Variants in COL24A1 observed in about 807,000 individuals in gnomAD.
COL24A1 encodes the protein collagen alpha-1(XXIV) chain.
In COL24A1, 224 loss-of-function variants were observed where a neutral mutation model predicts 253.9. The observed-to-expected ratio is 0.88, with a 90% confidence interval of 0.79 to 0.99. The LOEUF is 0.99. Ranked by LOEUF, COL24A1 falls within the 50% of genes least tolerant of loss-of-function variation. The pLI is 0.00. For missense variants in COL24A1, 2,131 were observed against 2,068.5 expected (o/e 1.03, Z -0.59); for synonymous variants, 685 against 673.7 (o/e 1.02, Z -0.26).
At chr1:85,936,159 TA>T (rs200213900) in intron 24 of COL24A1, among the ~76,000 whole-genome samples, 51,436 of 144,798 alleles carry the variant, frequency 0.36, 13,302 homozygotes, top group East Asian at 0.66. Context: ...GGGTCTTGGT[TA>T]GAAAAAAAAA....
rs371764072 is a variant in COL24A1 at position 86,040,404 on chromosome 1, T to C, written c.1950+6421A>G. ...TATGTATACATGTGCCATGCTGGTG[T>C]GCTGCACCCACTAACTCGTCATCTA... is the stretch of plus-strand genomic sequence containing the variant. On this transcript the variant is annotated intron_variant, in intron 12 of 59. Transcript: ENST00000370571. Among the ~76,000 whole-genome samples the C allele has an allele frequency of 2.4e-3, 370 of 151,592 alleles. 10 individuals carry two copies. The East Asian group carries it at 0.046, about 19-fold the overall frequency.
intron 24 of COL24A1, among the ~76,000 whole-genome samples, chr1:85,916,791 G>A (rs1427714602): frequency 1.3e-5 from 2 of 152,122 alleles, no homozygotes; most frequent in African/African-American, 4.8e-5. Flanking sequence ...ATACACAGCA[G>A]GAAATAGCAG....
chr1:85,934,486 A>G (rs2103118513), intron 24 of COL24A1, among the ~76,000 whole-genome samples: 1 of 152,290 alleles, frequency 6.6e-6, no homozygotes, highest in East Asian at 1.9e-4. Context: ...TGTTGTTGGA[A>G]TAATGTACAT....
intron 32 of COL24A1, among the ~76,000 whole-genome samples, chr1:85,885,397 A>ATATATATTTT (rs60994639): frequency 0.024 from 3,024 of 128,570 alleles, 175 homozygotes; most frequent in Admixed American, 0.13. Flanking sequence ...ATATATATAT[A>ATATATATTTT]TTTTTTTTTT....
intron 53 of COL24A1, among the ~76,000 whole-genome samples, chr1:85,764,283 T>C (rs1667133507): frequency 2.6e-5 from 4 of 152,196 alleles, no homozygotes; most frequent in African/African-American, 4.8e-5. Context: ...TTGAGATTCA[T>C]TGGTTTGAAA....
At chr1:85,880,129 A>G (rs1318019626) in intron 32 of COL24A1, among the ~76,000 whole-genome samples, 2 of 152,222 alleles carry the variant, frequency 1.3e-5, no homozygotes, top group African/African-American at 4.8e-5. Flanking sequence ...TATCTCAACA[A>G]TATTGAGTCT....
intron 35 of COL24A1, 75 bp downstream of exon 35, chr1:85,874,574 T>G (rs1251128293): frequency 2.3e-6 from 3 of 1,300,216 alleles, no homozygotes; most frequent in South Asian, 1.3e-5. Flanking sequence ...ATTTTTTGAG[T>G]GTTTCGAATA....
At chr1:86,155,082 G>C (rs1271014208) in intron 1 of COL24A1, 1 of 152,404 alleles carries the variant, frequency 6.6e-6, no homozygotes, top group African/African-American at 2.4e-5. Context: ...CTCGCTCCAG[G>C]GACTCCCCAG....
intron 8 of COL24A1, among the ~76,000 whole-genome samples, chr1:86,063,070 C>T (rs1255095018): frequency 6.6e-6 from 1 of 152,000 alleles, no homozygotes; most frequent in African/African-American, 2.4e-5. Flanking sequence ...ATAGTACACA[C>T]CATAAGACAT....
intron 20 of COL24A1, among the ~76,000 whole-genome samples, chr1:85,972,720 T>C (rs570085421): frequency 2.0e-5 from 3 of 152,282 alleles, no homozygotes; most frequent in Admixed American, 2.0e-4. Context: ...AGTCAGTATA[T>C]TGTGCATCCC....
chr1:85,946,088 A>T (rs1689295702), intron 24 of COL24A1, among the ~76,000 whole-genome samples: 1 of 152,184 alleles, frequency 6.6e-6, no homozygotes, highest in Admixed American at 6.5e-5. Flanking sequence ...TTTATGCTAA[A>T]CACTTGTTTT....
intron 39 of COL24A1, among the ~76,000 whole-genome samples, chr1:85,847,208 T>C (rs1272832739): frequency 6.6e-6 from 1 of 152,180 alleles, no homozygotes; most frequent in Admixed American, 6.5e-5. Flanking sequence ...AATTAGATGT[T>C]AGATTTATCA....
chr1:85,942,609 T>C (rs12745489), intron 24 of COL24A1, among the ~76,000 whole-genome samples: 30,168 of 152,086 alleles, frequency 0.2, 3,331 homozygotes, highest in Non-Finnish European at 0.24. Flanking sequence ...ATCTGGAATG[T>C]TGAAATCCAA....
At chr1:85,911,858 C>T (rs1284379574) in intron 24 of COL24A1, among the ~76,000 whole-genome samples, 1 of 152,094 alleles carries the variant, frequency 6.6e-6, no homozygotes, top group African/African-American at 2.4e-5. Flanking sequence ...ATTCATTCAT[C>T]CACTCAAGAA....
chr1:86,142,396 G>A (rs1261834812), intron 2 of COL24A1, among the ~76,000 whole-genome samples: 1 of 151,674 alleles, frequency 6.6e-6, no homozygotes, highest in Non-Finnish European at 1.5e-5. Flanking sequence ...GGTGGTGGGT[G>A]CCTGTAGTCC....
chr1:85,803,261 C>T (rs1671619811), intron 47 of COL24A1, among the ~76,000 whole-genome samples: 1 of 151,866 alleles, frequency 6.6e-6, no homozygotes, highest in Non-Finnish European at 1.5e-5. Flanking sequence ...CATTGTGAAA[C>T]CCCATCTCTA....
At chr1:86,146,299 A>T in intron 1 of COL24A1, 116 bp from the exon 2 acceptor site, 3 of 765,018 alleles carry the variant, frequency 3.9e-6, no homozygotes, top group Non-Finnish European at 6.3e-6. Flanking sequence ...AAATAGCATG[A>T]TATTTTAATA....
intron 24 of COL24A1, among the ~76,000 whole-genome samples, chr1:85,920,118 T>A (rs1686298826): frequency 6.6e-6 from 1 of 152,210 alleles, no homozygotes; most frequent in East Asian, 1.9e-4. Flanking sequence ...TAAAATATAC[T>A]AAGGAGTTCA....
chr1:85,945,015 T>TTTTTTG (rs1689159443), intron 24 of COL24A1, among the ~76,000 whole-genome samples: 1 of 82,994 alleles, frequency 1.2e-5, no homozygotes, highest in Admixed American at 1.5e-4. Flanking sequence ...TTTTTTTTTT[T>TTTTTTG]TTTTTTTTTT....
Sources: gnomAD v4.1 joint callset for allele counts (sites outside exome capture counted in the v4.1 genomes callset) on GRCh38, gnomAD v4.1.1 for gene constraint, MANE v1.5 for transcripts, NCBI Gene and HGNC (gene_info 2026-07-23, HGNC 2026-07-21) for gene names.